The following CDH8 variants were observed in gnomAD, a reference collection of about 807,000 sequenced individuals.
The protein encoded by CDH8 is cadherin 8, also known as cadherin-8.
A neutral mutation model predicts 68.1 loss-of-function variants in CDH8; 17 were observed. The ratio of observed to expected loss-of-function variants is 0.25; its 90% confidence interval spans 0.17 to 0.37. The LOEUF (loss-of-function observed/expected upper bound fraction) is 0.37. Among genes scored for constraint, CDH8 ranks in the 10% least tolerant of loss-of-function variants. The probability of loss-of-function intolerance (pLI) is 1.00; values close to 1 mark genes in which losing one functional copy is unlikely to be tolerated. For missense variants in CDH8, 763 were observed against 999.3 expected (o/e 0.76, Z 3.19); for synonymous variants, 372 against 365.1 (o/e 1.02, Z -0.21).
intron 2 of CDH8, among the ~76,000 whole-genome samples, chr16:61,961,660 C>G (rs1293425044): frequency 1.3e-5 from 2 of 152,208 alleles, no homozygotes; most frequent in Admixed American, 1.3e-4. Flanking sequence ...ACACCCACAA[C>G]TGTAGCTCTC....
Position 61,654,084 on chromosome 16 carries a change from C to A in CDH8, c.1924G>T (p.Val642Leu). ...TCATTTTTATGCCGCCGTAGAGTTA[C>A]AAACAGCACCACGATGACTAGAGGA... ...ILLLVIVVLF[V>L]TLRRHKNEPL... The change falls in exon 12 of 12, where the codon GTA becomes TTA. Residue 642 changes from valine to leucine, a missense_variant. Around this residue, in one of 2 missense-constraint regions of CDH8, gnomAD observed 397 missense variants for 436.2 expected, o/e 0.91. Coordinates refer to ENST00000577390, the MANE Select transcript of CDH8 (RefSeq NM_001796.5). 1 of 1,613,020 alleles carries A rather than the reference C, an allele frequency of 6.2e-7. No individual in the cohort carries two copies. The highest frequency in any genetic ancestry group is 8.5e-7 in the Non-Finnish European group (1 of 1,179,568).
rs148417364 is a variant in CDH8 at position 61,971,243 on chromosome 16, T to C, written c.252+49909A>G. 2.6e-3 allele frequency among the ~76,000 whole-genome samples: 398 copies of C among 152,256 alleles called. 1 individual carries two copies. The highest frequency in any genetic ancestry group is 9.3e-3 in the African/African-American group (385 of 41,558). On this transcript the variant is annotated intron_variant, in intron 2 of 11. Transcript: ENST00000577390. Reference sequence around the variant, plus strand: ...ACAGCTTTATTGCTCACACAAAGCCTGTTTGGTGGTGTCTTCACACGGACG... The same window carrying C: ...ACAGCTTTATTGCTCACACAAAGCCCGTTTGGTGGTGTCTTCACACGGACG...
chr16:61,944,016 G>A (rs1300383844), intron 2 of CDH8, among the ~76,000 whole-genome samples: 4 of 152,162 alleles, frequency 2.6e-5, no homozygotes, highest in Admixed American at 6.5e-5. Flanking sequence ...GGTAATAACT[G>A]GATCCTTTTA....
At chr16:61,833,733 G>A (rs552433536) in intron 4 of CDH8, among the ~76,000 whole-genome samples, 13 of 151,836 alleles carry the variant, frequency 8.6e-5, no homozygotes, top group East Asian at 3.9e-4. Context: ...ACAATTTTGC[G>A]TGGATAATAC....
At chr16:61,937,961 T>G (rs774608717) in intron 2 of CDH8, 2 of 152,148 alleles carry the variant, frequency 1.3e-5, no homozygotes, top group South Asian at 4.1e-4. Context: ...ATGTTTCCAT[T>G]TGAAAGGAGA....
At chr16:62,023,174 C>T (rs1899964475) in intron 1 of CDH8, among the ~76,000 whole-genome samples, 1 of 152,120 alleles carries the variant, frequency 6.6e-6, no homozygotes, top group African/African-American at 2.4e-5. Context: ...CAAAAAGCCC[C>T]CATAAAGAAA....
At chr16:61,686,139 C>T (rs1964101615) in intron 10 of CDH8, among the ~76,000 whole-genome samples, 1 of 151,972 alleles carries the variant, frequency 6.6e-6, no homozygotes, top group Non-Finnish European at 1.5e-5. Flanking sequence ...TGAGATATTT[C>T]TATGTCAGTG....
At chr16:61,810,475 GGA>G (rs143810797) in intron 7 of CDH8, among the ~76,000 whole-genome samples, 14 of 149,846 alleles carry the variant, frequency 9.3e-5, no homozygotes, top group Non-Finnish European at 1.2e-4. Context: ...TAGTCAGAGA[GGA>G]GAGAGAGAGA....
chr16:61,698,357 G>A (rs1890360543), intron 10 of CDH8, among the ~76,000 whole-genome samples: 1 of 152,174 alleles, frequency 6.6e-6, no homozygotes, highest in African/African-American at 2.4e-5. Context: ...GTGGGAAATG[G>A]TTTCTTCGTC....
At chr16:61,803,517 C>A in intron 7 of CDH8, among the ~76,000 whole-genome samples, 1 of 151,780 alleles carries the variant, frequency 6.6e-6, no homozygotes, top group South Asian at 2.1e-4. Flanking sequence ...AAGACACAGA[C>A]TGGCAAATTG....
chr16:61,796,157 G>A (rs907108000), intron 7 of CDH8, among the ~76,000 whole-genome samples: 23 of 151,454 alleles, frequency 1.5e-4, no homozygotes, highest in African/African-American at 5.6e-4. Flanking sequence ...GAGAAAAAGA[G>A]AAATAAAAAA....
At chr16:61,769,177 A>T (rs1960713240) in intron 8 of CDH8, among the ~76,000 whole-genome samples, 2 of 151,924 alleles carry the variant, frequency 1.3e-5, no homozygotes, top group South Asian at 4.1e-4. Flanking sequence ...ATATTATTAT[A>T]AAAAAGTATT....
intron 2 of CDH8, among the ~76,000 whole-genome samples, chr16:61,951,307 C>T (rs568148772): frequency 4.0e-5 from 6 of 151,888 alleles, no homozygotes; most frequent in East Asian, 3.9e-4. Flanking sequence ...GTCAGGAGAT[C>T]GAGACCATCC....
intron 7 of CDH8, among the ~76,000 whole-genome samples, chr16:61,808,298 A>C (rs1961849484): frequency 6.6e-6 from 1 of 152,170 alleles, no homozygotes; most frequent in African/African-American, 2.4e-5. Flanking sequence ...CTCAATTCCA[A>C]ACCCCTGTAT....
At chr16:61,960,942 T>C (rs111551443) in intron 2 of CDH8, among the ~76,000 whole-genome samples, 9 of 152,282 alleles carry the variant, frequency 5.9e-5, no homozygotes, top group African/African-American at 2.2e-4. Context: ...GAGTAGCATC[T>C]CAGATGGGCT....
intron 9 of CDH8, 165 bp downstream of exon 9, chr16:61,726,929 T>G: frequency 2.9e-6 from 2 of 699,318 alleles, no homozygotes; most frequent in Admixed American, 5.2e-5. Context: ...AGAAATAACA[T>G]CTGATGGAGA....
chr16:61,933,217 C>T (rs769624192), intron 2 of CDH8, among the ~76,000 whole-genome samples: 37 of 152,208 alleles, frequency 2.4e-4, no homozygotes, highest in African/African-American at 4.8e-4. Flanking sequence ...GTTCATCAAA[C>T]GAAGAGAATC....
chr16:61,949,680 A>C (rs1964858446), intron 2 of CDH8, among the ~76,000 whole-genome samples: 1 of 151,994 alleles, frequency 6.6e-6, no homozygotes, highest in African/African-American at 2.4e-5. Flanking sequence ...GCTTGGGAAA[A>C]TGTTACAGTT....
At chr16:61,837,082 C>T (rs1962584461) in intron 4 of CDH8, among the ~76,000 whole-genome samples, 1 of 151,890 alleles carries the variant, frequency 6.6e-6, no homozygotes, top group Non-Finnish European at 1.5e-5. Flanking sequence ...TCTCTTTCTT[C>T]CCAGTGCAGT....
Sources: allele counts gnomAD v4.1 joint callset (sites outside exome capture counted in the v4.1 genomes callset), GRCh38; gene constraint gnomAD v4.1.1; regional missense constraint gnomAD v4.1.1; transcripts MANE v1.5; gene names NCBI Gene and HGNC (gene_info 2026-07-23, HGNC 2026-07-21).